OTUD7B: variants seen among roughly 807,000 people sequenced by gnomAD.
OTUD7B encodes OTU domain-containing protein 7B.
A neutral mutation model predicts 82.2 loss-of-function variants in OTUD7B; 34 were observed. That is an observed-to-expected ratio of 0.41 (90% CI 0.31 to 0.55). OTUD7B has a LOEUF of 0.55. OTUD7B is among the 20% of genes least tolerant of loss of function. The pLI is 0.20. For missense variants in OTUD7B, 944 were observed against 1,062.1 expected, an observed-to-expected ratio of 0.89 and a Z score of 1.55; for synonymous variants, 398 against 402.7, an observed-to-expected ratio of 0.99 and a Z score of 0.14.
intron 7 of OTUD7B, among the ~76,000 whole-genome samples, chr1:149,950,777 C>T (rs1453275850): frequency 8.7e-5 from 5 of 57,494 alleles, no homozygotes; most frequent in African/African-American, 2.6e-4. Flanking sequence ...TTCCATCTCC[C>T]GTGTGTTTTT....
chr1:150,005,282 T>C (rs909856575), intron 1 of OTUD7B, among the ~76,000 whole-genome samples: 3 of 152,186 alleles, frequency 2.0e-5, no homozygotes, highest in Non-Finnish European at 2.9e-5. Flanking sequence ...CCATAGCACC[T>C]AGCAAAGAAT....
At chr1:150,056,707 A>T in the OTUD7B span, among the ~76,000 whole-genome samples, 1 of 152,206 alleles carries the variant, frequency 6.6e-6, no homozygotes, top group African/African-American at 2.4e-5. Context: ...ACCTAAAAAG[A>T]ACAATTTTCT....
At chr1:150,000,068 G>C (rs1243214907) in intron 1 of OTUD7B, among the ~76,000 whole-genome samples, 1 of 152,168 alleles carries the variant, frequency 6.6e-6, no homozygotes, top group Non-Finnish European at 1.5e-5. Flanking sequence ...CCAGTTGTGG[G>C]AAAGATTATA....
the OTUD7B span, among the ~76,000 whole-genome samples, chr1:150,061,832 T>G: frequency 3.3e-5 from 5 of 152,248 alleles, no homozygotes; most frequent in African/African-American, 4.8e-5. Flanking sequence ...TTCTATTCAC[T>G]GTAAGTTTCC....
At chr1:150,027,203 A>G in the OTUD7B span, among the ~76,000 whole-genome samples, 1 of 152,186 alleles carries the variant, frequency 6.6e-6, no homozygotes, top group Non-Finnish European at 1.5e-5. Context: ...CTAGGGATAT[A>G]AGATTATAGC....
At chr1:149,972,271 C>T (rs1345285370) in intron 2 of OTUD7B, among the ~76,000 whole-genome samples, 2 of 152,168 alleles carry the variant, frequency 1.3e-5, no homozygotes, top group South Asian at 2.1e-4. Flanking sequence ...CACAATTTTA[C>T]GTCTAAATCA....
rs2092749344 is a variant in OTUD7B at position 149,939,807 on chromosome 1, T to A, written c.*4050A>T. 1 of 152,110 alleles carries A rather than the reference T, an allele frequency of 6.6e-6. No individual in the cohort carries two copies. The highest frequency in any genetic ancestry group is 3.4e-3 in the Middle Eastern group (1 of 294). 9.4% of individuals were successfully genotyped at this position (152,110 alleles called of 1,614,324 possible). On this transcript the variant is annotated 3_prime_UTR_variant, in exon 12 of 12. Transcript: ENST00000581312. ...AGCCGGGCATGATTGCGGGTGCCTGTAATCCCAGCCACCTGGGAGGCTGAG... is the reference window on the plus strand; with the variant it reads ...AGCCGGGCATGATTGCGGGTGCCTGAAATCCCAGCCACCTGGGAGGCTGAG...
chr1:150,002,924 G>T (rs1450345164), intron 1 of OTUD7B, among the ~76,000 whole-genome samples: 1 of 152,110 alleles, frequency 6.6e-6, no homozygotes, highest in African/African-American at 2.4e-5. Context: ...GATGTGAAAC[G>T]TATTAAATGG....
At chr1:150,054,983 G>A in the OTUD7B span, 1 of 319,728 alleles carries the variant, frequency 3.1e-6, no homozygotes, top group South Asian at 3.0e-5. Context: ...GGCTACCTCT[G>A]ATCTGTGTTT....
chr1:150,028,154 A>G, the OTUD7B span, among the ~76,000 whole-genome samples: 1 of 152,242 alleles, frequency 6.6e-6, no homozygotes, highest in Non-Finnish European at 1.5e-5. Flanking sequence ...AGGTTTGACA[A>G]GGCTCTAGGA....
the OTUD7B span, among the ~76,000 whole-genome samples, chr1:150,035,957 G>GCTTT: frequency 2.4e-4 from 32 of 134,268 alleles, no homozygotes; most frequent in African/African-American, 9.1e-4. Flanking sequence ...CATTGTAACT[G>GCTTT]TTTTTTTTTT....
At chr1:149,998,091 C>G (rs1453406286) in intron 1 of OTUD7B, among the ~76,000 whole-genome samples, 7 of 152,168 alleles carry the variant, frequency 4.6e-5, no homozygotes, top group Non-Finnish European at 8.8e-5. Context: ...ATTACCCAGA[C>G]TGAAAATGTG....
At chr1:150,033,655 G>C in the OTUD7B span, among the ~76,000 whole-genome samples, 1 of 152,028 alleles carries the variant, frequency 6.6e-6, no homozygotes, top group East Asian at 1.9e-4. Context: ...CAAGCATTTT[G>C]CCTTCATTCA....
At chr1:150,032,244 G>A in the OTUD7B span, among the ~76,000 whole-genome samples, 7 of 151,406 alleles carry the variant, frequency 4.6e-5, no homozygotes, top group Non-Finnish European at 7.4e-5. Flanking sequence ...CCCGGGAGGC[G>A]GAGGTTGCAG....
At chr1:150,005,964 T>C (rs16833048) in intron 1 of OTUD7B, among the ~76,000 whole-genome samples, 2,942 of 152,220 alleles carry the variant, frequency 0.019, 79 homozygotes, top group African/African-American at 0.064. Flanking sequence ...TATCAACATA[T>C]TCAGTGTAGT....
At chr1:149,961,808 T>C (rs1290897932) in intron 6 of OTUD7B, 1 of 152,208 alleles carries the variant, frequency 6.6e-6, no homozygotes, top group African/African-American at 2.4e-5. Context: ...AATAAACATA[T>C]GCTAAGTGAA....
chr1:150,008,713 A>G (rs1652826062), intron 1 of OTUD7B, among the ~76,000 whole-genome samples: 1 of 152,196 alleles, frequency 6.6e-6, no homozygotes, highest in South Asian at 2.1e-4. Context: ...TCAATTCTAA[A>G]TTATTCATGT....
At position 149,938,745 on chromosome 1, in the gene OTUD7B, C is replaced by CTGT; in HGVS notation, c.*5111_*5112insACA. Reference sequence around the variant, plus strand: ...ACCAGCCTGGCCAACATGGCGAAACCCCCGACTCTAACTAAAAAAAAAAAA... The same window carrying CTGT: ...ACCAGCCTGGCCAACATGGCGAAACCTGTCCCGACTCTAACTAAAAAAAAAAAA... On this transcript the variant is annotated 3_prime_UTR_variant, in exon 12 of 12. Coordinates refer to ENST00000581312, the MANE Select transcript of OTUD7B (RefSeq NM_020205.4). 1.0e-5 allele frequency: 1 copy of CTGT among 97,220 alleles called. No homozygotes were observed. Among genetic ancestry groups the CTGT allele is most frequent in the East Asian group, 2.7e-4 (1 of 3,638 alleles). The allele number at this position is 97,220 out of a possible 1,614,324, so 6.0% of individuals were successfully genotyped here. A position where few individuals can be genotyped will look rare whatever the true frequency, so the allele number is the denominator to read the frequency against.
the OTUD7B span, among the ~76,000 whole-genome samples, chr1:150,042,104 A>AACCT: frequency 1.8e-5 from 1 of 55,890 alleles, no homozygotes; most frequent in Admixed American, 2.1e-4. Context: ...AGAGGTGCAG[A>AACCT]CCCTCCCTCC....
Sources: allele counts gnomAD v4.1 joint callset (sites outside exome capture counted in the v4.1 genomes callset), GRCh38; gene constraint gnomAD v4.1.1; transcripts MANE v1.5; gene names NCBI Gene and HGNC (gene_info 2026-07-23, HGNC 2026-07-21).